The following RFX2 variants were observed in gnomAD, a reference collection of about 807,000 sequenced individuals.
The protein encoded by RFX2 is DNA-binding protein RFX2.
RFX2 carries 20 observed loss-of-function variants against 87.8 expected under a neutral mutation model. That is an observed-to-expected ratio of 0.23 (90% CI 0.16 to 0.33). The LOEUF is 0.33. Ranked by LOEUF, RFX2 falls within the 10% of genes least tolerant of loss-of-function variation. RFX2 has a pLI of 1.00. For missense variants in RFX2, 767 were observed against 1,012.3 expected (o/e 0.76, Z 3.29); for synonymous variants, 397 against 431.3 (o/e 0.92, Z 0.98).
rs188354260 is a variant in RFX2, at chr19:6,073,590, T to C, written c.-8-26086A>G. ...ACCATAAAAACTGCAAAAAGATATATAAAAACAAAAAATAAATATTTGAAA... is the reference window on the plus strand; with the variant it reads ...ACCATAAAAACTGCAAAAAGATATACAAAAACAAAAAATAAATATTTGAAA... On this transcript the variant is annotated intron_variant, in intron 1 of 17. Transcript: ENST00000303657. The C allele has an allele frequency of 7.4e-5, 24 of 325,634 alleles. No individual in the cohort carries two copies. In the Admixed American group the frequency reaches 8.6e-4, roughly 12 times the overall value. 20.2% of individuals were successfully genotyped at this position (325,634 alleles called of 1,614,324 possible).
At chr19:6,006,595 G>A (rs962970904) in intron 12 of RFX2, among the ~76,000 whole-genome samples, 5 of 151,054 alleles carry the variant, frequency 3.3e-5, no homozygotes, top group African/African-American at 7.3e-5. Context: ...GACTACAGGC[G>A]TGTGCCACCA....
At chr19:6,084,589 A>AC (rs1244232131) in intron 1 of RFX2, among the ~76,000 whole-genome samples, 3 of 149,534 alleles carry the variant, frequency 2.0e-5, no homozygotes, top group South Asian at 4.2e-4. Flanking sequence ...GACTCTAGGG[A>AC]CCTCCTAGGG....
chr19:6,057,994 G>T (rs917569345), intron 1 of RFX2, among the ~76,000 whole-genome samples: 2 of 152,200 alleles, frequency 1.3e-5, no homozygotes, highest in Non-Finnish European at 2.9e-5. Context: ...TCTCCTTGCC[G>T]AAAAGTGGAT....
At chr19:6,069,152 GC>G (rs1207543094) in intron 1 of RFX2, among the ~76,000 whole-genome samples, 1 of 152,216 alleles carries the variant, frequency 6.6e-6, no homozygotes, top group Non-Finnish European at 1.5e-5. Context: ...AGGTTGAGAT[GC>G]TGAGAAAGCA....
intron 1 of RFX2, among the ~76,000 whole-genome samples, chr19:6,067,398 T>C (rs2087529809): frequency 6.6e-6 from 1 of 152,172 alleles, no homozygotes; most frequent in African/African-American, 2.4e-5. Context: ...ACTTACAGTA[T>C]ATCTTTGACA....
At position 6,047,383 on chromosome 19, in the gene RFX2, T is replaced by C; in HGVS notation, c.90+24A>G. ...TCGCGTCCACACTGTGGCCACCCTG[T>C]TGTTGCTGAGAGGCGCGCGTTACCT... On this transcript the variant is annotated intron_variant, in intron 2 of 17. Transcript: ENST00000303657. The surrounding 1 kb of genome is among the most constrained non-coding windows in gnomAD (Gnocchi z 4.2). 6.3e-7 allele frequency: 1 copy of C among 1,587,822 alleles called. No individual in the cohort carries two copies. The highest frequency in any genetic ancestry group is 8.6e-7 in the Non-Finnish European group (1 of 1,165,560).
intron 1 of RFX2, among the ~76,000 whole-genome samples, chr19:6,072,322 G>T (rs1382034910): frequency 6.6e-6 from 1 of 152,116 alleles, no homozygotes; most frequent in East Asian, 1.9e-4. Context: ...AGAAGCCTTG[G>T]CGGCCCAAGT....
In RFX2 at chr19:6,063,465, G is replaced by T. The variant is rs2087468286; in HGVS notation, c.-8-15961C>A. Among the ~76,000 whole-genome samples, 1 of 152,228 alleles carries T rather than the reference G, an allele frequency of 6.6e-6. No individual in the cohort carries two copies. On this transcript the variant is annotated intron_variant, in intron 1 of 17. Transcript: ENST00000303657. This position sits in a 1 kb window ranked among gnomAD's most constrained non-coding sequence, Gnocchi z 4.0. ...ACAACGCAGGGAGGGTGAGGATGGG[G>T]TCCATGCACCTGCCAGGGTGGGGAT...
Position 6,024,789 on chromosome 19 carries a change from G to C in RFX2, c.597+1374C>G, listed in dbSNP as rs867776726. ...ACGGGATCACGGTGAGGACGGGAGTGAGGACGGGATCACGGTGAGGACGGG... is the reference window on the plus strand; with the variant it reads ...ACGGGATCACGGTGAGGACGGGAGTCAGGACGGGATCACGGTGAGGACGGG... On this transcript the variant is annotated intron_variant, in intron 6 of 17. Coordinates refer to ENST00000303657, the MANE Select transcript of RFX2 (RefSeq NM_000635.4). The surrounding 1 kb of genome is among the most constrained non-coding windows in gnomAD (Gnocchi z 5.0). Among the ~76,000 whole-genome samples the C allele has an allele frequency of 4.1e-3, 366 of 89,406 alleles. No homozygotes were observed. Among genetic ancestry groups the C allele is most frequent in the African/African-American group, 0.015 (274 of 18,438 alleles). The allele number at this position is 89,406 out of a possible 152,430, so 58.7% of individuals were successfully genotyped here. A position where few individuals can be genotyped will look rare whatever the true frequency, so the allele number is the denominator to read the frequency against.
At chr19:6,046,542 G>C (rs1437272019) in intron 2 of RFX2, among the ~76,000 whole-genome samples, 2 of 141,408 alleles carry the variant, frequency 1.4e-5, no homozygotes, top group Non-Finnish European at 3.0e-5. Flanking sequence ...CTGGGCGACA[G>C]AGCGAGACTC....
chr19:6,041,775 C>A (rs1166549834), intron 4 of RFX2, among the ~76,000 whole-genome samples: 1 of 151,998 alleles, frequency 6.6e-6, no homozygotes, highest in Non-Finnish European at 1.5e-5. Flanking sequence ...TCATAGCTCA[C>A]TGCAGCCTCC....
At chr19:6,068,789 G>C (rs1295895692) in intron 1 of RFX2, among the ~76,000 whole-genome samples, 1 of 152,174 alleles carries the variant, frequency 6.6e-6, no homozygotes, top group Non-Finnish European at 1.5e-5. Context: ...CACAAGGTTT[G>C]AGCCCAGGAA....
In RFX2 at chr19:6,045,494, A is replaced by G. The variant is rs890838196; in HGVS notation, c.91-1212T>C. ...CACGGAAACATATCAATTAGGCCAC[A>G]ACTGCTGGCAGGGCGACGGCGTCTG... On this transcript the variant is annotated intron_variant, in intron 2 of 17. Coordinates refer to ENST00000303657, the MANE Select transcript of RFX2 (RefSeq NM_000635.4). This position sits in a 1 kb window ranked among gnomAD's most constrained non-coding sequence, Gnocchi z 5.2. Among the ~76,000 whole-genome samples, 1 of 152,134 alleles carries G rather than the reference A, an allele frequency of 6.6e-6. No individual in the cohort carries two copies. Among genetic ancestry groups the G allele is most frequent in the Admixed American group, 6.5e-5 (1 of 15,282 alleles).
intron 1 of RFX2, among the ~76,000 whole-genome samples, chr19:6,069,283 A>G (rs578118541): frequency 6.6e-6 from 1 of 152,252 alleles, no homozygotes; most frequent in South Asian, 2.1e-4. Context: ...TATAGATAAC[A>G]TAGCTGGAAC....
intron 12 of RFX2, among the ~76,000 whole-genome samples, chr19:6,005,290 G>GT (rs1165966957): frequency 6.6e-6 from 1 of 152,216 alleles, no homozygotes; most frequent in Admixed American, 6.5e-5. Context: ...GGAGCATAGA[G>GT]TTTACTCAAC....
chr19:6,080,412 A>G (rs1226693820), intron 1 of RFX2, among the ~76,000 whole-genome samples: 1 of 152,228 alleles, frequency 6.6e-6, no homozygotes, highest in Non-Finnish European at 1.5e-5. Context: ...TGAGCAGGTC[A>G]GATGAAAGTG....
At chr19:6,015,542 G>A (rs1047900369) in intron 7 of RFX2, among the ~76,000 whole-genome samples, 1 of 152,034 alleles carries the variant, frequency 6.6e-6, no homozygotes, top group Non-Finnish European at 1.5e-5. Context: ...AGGCTGGAGT[G>A]CAGTGGTGCA....
At chr19:6,106,391 A>C (rs2088217532) in intron 1 of RFX2, among the ~76,000 whole-genome samples, 1 of 152,192 alleles carries the variant, frequency 6.6e-6, no homozygotes, top group African/African-American at 2.4e-5. Context: ...TCTTTTTAAA[A>C]AATACATAAG....
In RFX2 at chr19:6,070,231, G is replaced by GATGTGGATGGGATGGA. The variant is rs2087585818; in HGVS notation, c.-8-22728_-8-22727insTCCATCCCATCCACAT. On this transcript the variant is annotated intron_variant, in intron 1 of 17. Coordinates refer to ENST00000303657, the MANE Select transcript of RFX2 (RefSeq NM_000635.4). Reference sequence around the variant, plus strand: ...GATGGGATGGGATGGGATGGGATGGGATGGGATGGGATGTGGATGGGATGG... The same window carrying GATGTGGATGGGATGGA: ...GATGGGATGGGATGGGATGGGATGGGATGTGGATGGGATGGAATGGGATGGGATGTGGATGGGATGG... 3.2e-3 allele frequency among the ~76,000 whole-genome samples: 12 copies of GATGTGGATGGGATGGA among 3,720 alleles called. 4 individuals are homozygous for GATGTGGATGGGATGGA. Among genetic ancestry groups the GATGTGGATGGGATGGA allele is most frequent in the South Asian group, 0.019 (1 of 54 alleles). 2.4% of individuals were successfully genotyped at this position (3,720 alleles called of 152,430 possible). A position where few individuals can be genotyped will look rare whatever the true frequency, so the allele number is the denominator to read the frequency against.
Sources: allele counts gnomAD v4.1 joint callset (sites outside exome capture counted in the v4.1 genomes callset), GRCh38; gene constraint gnomAD v4.1.1; non-coding constraint Gnocchi (gnomAD v3.1); transcripts MANE v1.5; gene names NCBI Gene and HGNC (gene_info 2026-07-23, HGNC 2026-07-21).